SLC25A26: variants seen among roughly 807,000 people sequenced by gnomAD.
SLC25A26 encodes the protein mitochondrial S-adenosylmethionine carrier protein.
A neutral mutation model predicts 37.8 loss-of-function variants in SLC25A26; 36 were observed. The ratio of observed to expected loss-of-function variants is 0.95; its 90% confidence interval spans 0.73 to 1.26. The LOEUF (loss-of-function observed/expected upper bound fraction) is 1.26, where lower values mean the gene tolerates loss of function less well. Ranked by LOEUF, SLC25A26 falls within the 50% of genes most tolerant of loss-of-function variation. The probability of loss-of-function intolerance (pLI) is 0.00; values close to 1 mark genes in which losing one functional copy is unlikely to be tolerated. For synonymous variants in SLC25A26, 129 were observed against 122.5 expected, an observed-to-expected ratio of 1.05 and a Z score of -0.35; for missense variants, 390 against 331.1, an observed-to-expected ratio of 1.18 and a Z score of -1.38.
intron 5 of SLC25A26, among the ~76,000 whole-genome samples, chr3:66,279,288 G>A (rs1258978820): frequency 1.3e-5 from 2 of 152,086 alleles, no homozygotes; most frequent in Non-Finnish European, 2.9e-5. Flanking sequence ...AATATTCACT[G>A]TGTTTGGGCT....
At chr3:66,371,826 G>A (rs912982419) in intron 9 of SLC25A26, among the ~76,000 whole-genome samples, 7 of 152,272 alleles carry the variant, frequency 4.6e-5, no homozygotes, top group East Asian at 1.9e-4. Flanking sequence ...GGCCGGGTGC[G>A]GGGCTCACAC....
intron 5 of SLC25A26, among the ~76,000 whole-genome samples, chr3:66,342,119 C>T (rs1249379186): frequency 6.6e-6 from 1 of 152,018 alleles, no homozygotes; most frequent in Non-Finnish European, 1.5e-5. Flanking sequence ...AAAAAGGAGA[C>T]CCTTCTGTGA....
At chr3:66,366,878 C>T (rs924272787) in intron 7 of SLC25A26, among the ~76,000 whole-genome samples, 1 of 152,170 alleles carries the variant, frequency 6.6e-6, no homozygotes, top group African/African-American at 2.4e-5. Context: ...GTGGCCTGGG[C>T]AAGTAAGTTG....
intron 1 of SLC25A26, among the ~76,000 whole-genome samples, chr3:66,221,623 C>T (rs188300706): frequency 9.5e-4 from 144 of 151,950 alleles, no homozygotes; most frequent in African/African-American, 3.1e-3. Flanking sequence ...CTGCTCCAAG[C>T]CTAGGCTTTG....
chr3:66,359,429 C>T (rs528885202), intron 6 of SLC25A26, among the ~76,000 whole-genome samples: 1 of 152,338 alleles, frequency 6.6e-6, no homozygotes, highest in African/African-American at 2.4e-5. Flanking sequence ...ACATTCACAT[C>T]TTACTGTTAT....
intron 1 of SLC25A26, among the ~76,000 whole-genome samples, chr3:66,207,266 G>A (rs1406082049): frequency 4.6e-5 from 7 of 152,210 alleles, no homozygotes; most frequent in African/African-American, 1.7e-4. Context: ...AGAAGCTACA[G>A]CCTCAGTTAT....
chr3:66,248,371 A>G (rs77594653), intron 3 of SLC25A26, among the ~76,000 whole-genome samples: 3,017 of 152,292 alleles, frequency 0.02, 141 homozygotes, highest in East Asian at 0.18. Context: ...CTCTACCTCA[A>G]TAATTTTCCA....
chr3:66,141,041 T>C (rs2070025748), intron 1 of SLC25A26, among the ~76,000 whole-genome samples: 1 of 141,582 alleles, frequency 7.1e-6, no homozygotes, highest in South Asian at 2.1e-4. Flanking sequence ...CACTTCAGTA[T>C]AGAAACAGGA....
intron 1 of SLC25A26, among the ~76,000 whole-genome samples, chr3:66,150,353 C>T (rs898108397): frequency 1.3e-5 from 2 of 150,214 alleles, no homozygotes; most frequent in Non-Finnish European, 1.5e-5. Flanking sequence ...CAAAAATTAG[C>T]TGGGCATGCT....
intron 1 of SLC25A26, among the ~76,000 whole-genome samples, chr3:66,195,150 T>G (rs2071023876): frequency 6.6e-6 from 1 of 152,338 alleles, no homozygotes; most frequent in South Asian, 2.1e-4. Flanking sequence ...TGCTCGCAAT[T>G]ATGCTGTACT....
At chr3:66,307,926 A>G (rs1193406784) in intron 5 of SLC25A26, among the ~76,000 whole-genome samples, 3 of 152,198 alleles carry the variant, frequency 2.0e-5, no homozygotes, top group African/African-American at 7.2e-5. Flanking sequence ...GTTTGAAGTC[A>G]GGTAGCATGA....
intron 1 of SLC25A26, among the ~76,000 whole-genome samples, chr3:66,230,318 A>G (rs1446396082): frequency 6.6e-6 from 1 of 152,214 alleles, no homozygotes; most frequent in Non-Finnish European, 1.5e-5. Context: ...ACAACATTAT[A>G]TACTAGAGTC....
rs75117906 is a variant in SLC25A26, at chr3:66,376,246, C to G, written c.708-1444C>G. 8.7e-3 allele frequency among the ~76,000 whole-genome samples: 1,317 copies of G among 152,054 alleles called. 13 individuals are homozygous for G. Among genetic ancestry groups the G allele is most frequent in the East Asian group, 0.02 (104 of 5,172 alleles). ...TGAACACTGTTGAAATTACAATAAA[C>G]GATTTAGAATATTTCATCAATTTAG... On this transcript the variant is annotated intron_variant, in intron 9 of 9. Coordinates refer to ENST00000354883, the MANE Select transcript of SLC25A26 (RefSeq NM_001379210.1).
At chr3:66,144,342 G>T (rs1453790443) in intron 1 of SLC25A26, among the ~76,000 whole-genome samples, 1 of 152,114 alleles carries the variant, frequency 6.6e-6, no homozygotes, top group African/African-American at 2.4e-5. Flanking sequence ...GAAGATTTGG[G>T]CCTCTTTTTT....
At chr3:66,345,990 T>G in intron 5 of SLC25A26, among the ~76,000 whole-genome samples, 1 of 152,162 alleles carries the variant, frequency 6.6e-6, no homozygotes, top group Admixed American at 6.5e-5. Flanking sequence ...CCCTCAAGTT[T>G]GAGACCAACC....
At chr3:66,291,031 G>A (rs367566787) in intron 5 of SLC25A26, among the ~76,000 whole-genome samples, 53 of 152,216 alleles carry the variant, frequency 3.5e-4, no homozygotes, top group African/African-American at 1.3e-3. Flanking sequence ...CTTCTTCCTG[G>A]TTTAGTCTTG....
intron 1 of SLC25A26, among the ~76,000 whole-genome samples, chr3:66,157,329 C>A (rs1177267636): frequency 6.6e-6 from 1 of 152,114 alleles, no homozygotes; most frequent in Non-Finnish European, 1.5e-5. Flanking sequence ...GTGGCTCATG[C>A]CTGTAATCCT....
At chr3:66,228,185 G>T (rs561312495) in intron 1 of SLC25A26, among the ~76,000 whole-genome samples, 4 of 152,286 alleles carry the variant, frequency 2.6e-5, no homozygotes, top group Non-Finnish European at 4.4e-5. Flanking sequence ...AGCACTGCTT[G>T]GAGAGCACCA....
intron 3 of SLC25A26, among the ~76,000 whole-genome samples, chr3:66,250,024 G>A (rs782568468): frequency 3.9e-5 from 6 of 152,026 alleles, no homozygotes; most frequent in Non-Finnish European, 5.9e-5. Flanking sequence ...CTTCCTTCAG[G>A]GCATTAAATA....
Sources: gnomAD v4.1 joint callset for allele counts (sites outside exome capture counted in the v4.1 genomes callset) on GRCh38, gnomAD v4.1.1 for gene constraint, MANE v1.5 for transcripts, NCBI Gene and HGNC (gene_info 2026-07-23, HGNC 2026-07-21) for gene names.